JAG1: variants seen among roughly 807,000 people sequenced by gnomAD.
JAG1 encodes the protein jagged canonical Notch ligand 1, also known as protein jagged-1.
Under a neutral mutation model 148.7 loss-of-function variants are expected in JAG1, and 23 were observed. The ratio of observed to expected loss-of-function variants is 0.15; its 90% confidence interval spans 0.11 to 0.22. The LOEUF (loss-of-function observed/expected upper bound fraction) is 0.22, where lower values mean the gene tolerates loss of function less well. Among genes scored for constraint, JAG1 ranks in the 10% least tolerant of loss-of-function variants. The pLI is 1.00. For missense variants in JAG1, 1,054 were observed against 1,611.2 expected (o/e 0.65, Z 5.92); for synonymous variants, 572 against 598.3 (o/e 0.96, Z 0.64).
intron 2 of JAG1, among the ~76,000 whole-genome samples, chr20:10,667,278 C>T (rs777227326): frequency 2.6e-5 from 4 of 152,270 alleles, no homozygotes; most frequent in Non-Finnish European, 5.9e-5. Flanking sequence ...CCAACGCGGC[C>T]ATTGTGCACA....
chr20:10,642,149 C>G (rs183179824), intron 21 of JAG1, among the ~76,000 whole-genome samples: 1 of 152,076 alleles, frequency 6.6e-6, no homozygotes, highest in Non-Finnish European at 1.5e-5. Context: ...TACCCACTGG[C>G]GATGAAAGGA....
intron 13 of JAG1, 63 bp downstream of exon 13, chr20:10,647,895 TGG>T: frequency 6.6e-7 from 1 of 1,518,528 alleles, no homozygotes; most frequent in Middle Eastern, 2.1e-4. Context: ...CAAGGGGCAG[TGG>T]TAGTAAGTGG....
At position 10,646,921 on chromosome 20, in the gene JAG1, C is replaced by T. The variant is rs774286742; in HGVS notation, c.1885+18G>A. On this transcript the variant is annotated intron_variant, in intron 14 of 25. Coordinates refer to ENST00000254958, the MANE Select transcript of JAG1 (RefSeq NM_000214.3). ...AGGCTGGGGAGCACTGGTCCATTCC[C>T]GGATGAGGGAGTCTTACTTTCATGG... The T allele has an allele frequency of 9.3e-6, 15 of 1,613,524 alleles. No homozygotes were observed. Among genetic ancestry groups the T allele is most frequent in the Admixed American group, 3.3e-5 (2 of 60,002 alleles).
At chr20:10,652,990 C>T (rs540426629) in intron 5 of JAG1, among the ~76,000 whole-genome samples, 32 of 152,274 alleles carry the variant, frequency 2.1e-4, no homozygotes, top group African/African-American at 7.0e-4. Flanking sequence ...TCTCTGCAGA[C>T]GCTGCACTTG....
rs200311847 is a variant in JAG1, at chr20:10,652,449, T to A, written c.886+19A>T. The A allele has an allele frequency of 2.7e-3, 4,356 of 1,613,604 alleles. 8 individuals carry two copies. Among genetic ancestry groups the A allele is most frequent in the Non-Finnish European group, 3.4e-3 (3,982 of 1,179,752 alleles). Reference sequence around the variant, plus strand: ...CCACCCCCAGATCCCACCCTGGGTCTCATCCCTAAGGGCCATACCTTTGTC... The same window carrying A: ...CCACCCCCAGATCCCACCCTGGGTCACATCCCTAAGGGCCATACCTTTGTC... On this transcript the variant is annotated intron_variant, in intron 6 of 25. Transcript: ENST00000254958.
At chr20:10,656,553 C>A in intron 4 of JAG1, 95 bp from the exon 5 acceptor site, 1 of 1,053,696 alleles carries the variant, frequency 9.5e-7, no homozygotes, top group East Asian at 2.4e-5. Flanking sequence ...TCTGCAAATT[C>A]CACGATTTTA....
intron 3 of JAG1, among the ~76,000 whole-genome samples, chr20:10,663,133 A>G (rs1323602536): frequency 6.6e-6 from 1 of 152,252 alleles, no homozygotes; most frequent in Non-Finnish European, 1.5e-5. Flanking sequence ...CAAGGCATTC[A>G]GAGAACAGAG....
intron 7 of JAG1, 43 bp downstream of exon 7, chr20:10,652,088 G>A (rs1158524416): frequency 6.2e-7 from 1 of 1,610,994 alleles, no homozygotes; most frequent in Non-Finnish European, 8.5e-7. Context: ...GCTGAGTACA[G>A]AAAAATTAGA....
chr20:10,667,815 T>C lies in JAG1; in HGVS notation c.388-3801A>G, dbSNP rs79038036. Among the ~76,000 whole-genome samples the C allele has an allele frequency of 6.7e-3, 1,023 of 152,184 alleles. 8 individuals carry two copies. Among genetic ancestry groups the C allele is most frequent in the Non-Finnish European group, 0.01 (700 of 68,012 alleles). ...ATTACCCTTACCTGTTTGAAAAGCA[T>C]CCCACTGATAATTAAATGCACCAGT... On this transcript the variant is annotated intron_variant, in intron 2 of 25. Coordinates refer to ENST00000254958, the MANE Select transcript of JAG1 (RefSeq NM_000214.3).
chr20:10,643,689 G>T, intron 20 of JAG1, 89 bp downstream of exon 20: 1 of 990,884 alleles, frequency 1.0e-6, no homozygotes, highest in Non-Finnish European at 1.6e-6. Flanking sequence ...AGGGAATGGT[G>T]GCTTTGTTTT....
rs939428191 is a variant in JAG1 at position 10,673,373 on chromosome 20, G to A, written c.81+77C>T. On this transcript the variant is annotated intron_variant, in intron 1 of 25. Transcript: ENST00000254958. This position sits in a 1 kb window ranked among gnomAD's most constrained non-coding sequence, Gnocchi z 4.7. ...CGCTCGAGGGCTGCCGAGCCTGCTCGCGGGGCTCAACCGCCCAGGGCGCCG... is the reference window on the plus strand; with the variant it reads ...CGCTCGAGGGCTGCCGAGCCTGCTCACGGGGCTCAACCGCCCAGGGCGCCG... 1 of 1,111,402 alleles carries A rather than the reference G, an allele frequency of 9.0e-7. No homozygotes were observed. Among genetic ancestry groups the A allele is most frequent in the Non-Finnish European group, 1.2e-6 (1 of 800,912 alleles). 68.8% of individuals were successfully genotyped at this position (1,111,402 alleles called of 1,614,324 possible).
intron 13 of JAG1, 38 bp downstream of exon 13, chr20:10,647,922 A>G: frequency 6.2e-7 from 1 of 1,612,150 alleles, no homozygotes; most frequent in Non-Finnish European, 8.5e-7. Flanking sequence ...AAAAGGAGCA[A>G]GTCTGGAGAC....
intron 10 of JAG1, among the ~76,000 whole-genome samples, 167 bp downstream of exon 10, chr20:10,649,355 T>C (rs755472048): frequency 6.6e-6 from 1 of 152,146 alleles, no homozygotes; most frequent in African/African-American, 2.4e-5. Flanking sequence ...ATGAGCCTGA[T>C]AAAGTGTATG....
chr20:10,664,007 T>A lies in JAG1; in HGVS notation c.395A>T (p.Tyr132Phe). The A allele has an allele frequency of 6.2e-7, 1 of 1,613,722 alleles. No individual in the cohort carries two copies. The highest frequency in any genetic ancestry group is 8.5e-7 in the Non-Finnish European group (1 of 1,179,602). The change falls in exon 3 of 26, where the codon TAT becomes TTT. Residue 132 changes from tyrosine to phenylalanine, a missense_variant. Tyr to Phe is a conservative substitution (Grantham distance 22). Transcript: ENST00000254958. Reference sequence around the variant, plus strand: ...ATCCCACGCCTCCACAAGCAACGTATAGGACCTCTGCAAGACAAACAAACA... The same window carrying A: ...ATCCCACGCCTCCACAAGCAACGTAAAGGACCTCTGCAAGACAAACAAACA... ...LPFSFAWPRS[Y>F]TLLVEAWDSS... is the part of the protein sequence containing the mutation.
chr20:10,642,908 C>G (rs539468072), intron 20 of JAG1, among the ~76,000 whole-genome samples: 6 of 152,218 alleles, frequency 3.9e-5, no homozygotes, highest in Admixed American at 1.3e-4. Flanking sequence ...AGGGGTCAGA[C>G]AGTAAACATC....
chr20:10,650,733 G>T, intron 8 of JAG1: 1 of 290,432 alleles, frequency 3.4e-6, no homozygotes. Context: ...CTTTACAGGT[G>T]GAAAACCTTA....
At chr20:10,649,823 A>C in intron 9 of JAG1, 188 bp from the exon 10 acceptor site, 1 of 626,732 alleles carries the variant, frequency 1.6e-6, no homozygotes. Flanking sequence ...TTATCCAATA[A>C]GAACCCTAAT....
rs1313830397 is a variant in JAG1 at position 10,647,329 on chromosome 20, C to T, written c.1721-226G>A. 6.9e-6 allele frequency: 4 copies of T among 575,708 alleles called. No individual in the cohort carries two copies. In the African/African-American group the frequency reaches 7.5e-5, roughly 11 times the overall value. The allele number at this position is 575,708 out of a possible 1,614,324, so 35.7% of individuals were successfully genotyped here. A position where few individuals can be genotyped will look rare whatever the true frequency, so the allele number is the denominator to read the frequency against. ...AAAGCATTTTCTCCCTCCACACAAC[C>T]AGGAAAACCCACATGCTTGTGGATC... On this transcript the variant is annotated intron_variant, in intron 13 of 25. Transcript: ENST00000254958.
chr20:10,644,698 T>A (rs2067295774), intron 18 of JAG1, 165 bp downstream of exon 18: 2 of 692,096 alleles, frequency 2.9e-6, no homozygotes, highest in Non-Finnish European at 5.2e-6. Flanking sequence ...GGCGACTTTC[T>A]CATGCCCAGG....
Sources: gnomAD v4.1 joint callset for allele counts (sites outside exome capture counted in the v4.1 genomes callset) on GRCh38, gnomAD v4.1.1 for gene constraint, Gnocchi (gnomAD v3.1) non-coding constraint, MANE v1.5 for transcripts, NCBI Gene and HGNC (gene_info 2026-07-23, HGNC 2026-07-21) for gene names.